Variants in A2M observed in about 807,000 individuals in gnomAD.
A2M encodes the protein C3 and PZP-like alpha-2-macroglobulin domain-containing protein 5.
A neutral mutation model predicts 183.9 loss-of-function variants in A2M; 128 were observed. The observed-to-expected ratio is 0.70, with a 90% CI of 0.60 to 0.81. A2M has a LOEUF of 0.81. Ranked by LOEUF, A2M falls within the 30% of genes least tolerant of loss-of-function variation. The pLI, the probability that A2M is intolerant of heterozygous loss-of-function variation, is 0.00. For synonymous variants in A2M, 592 were observed against 670.8 expected, an observed-to-expected ratio of 0.88 and a Z score of 1.81; for missense variants, 1,495 against 1,787.6, an observed-to-expected ratio of 0.84 and a Z score of 2.95.
At chr12:9,098,915 C>T (rs527970686) in intron 14 of A2M, among the ~76,000 whole-genome samples, 159 bp from the exon 15 acceptor site, 102 of 152,338 alleles carry the variant, frequency 6.7e-4, no homozygotes, top group Middle Eastern at 3.4e-3. Flanking sequence ...TTGTTCCCTA[C>T]ACTTCTCTTT....
chr12:9,079,804 C>T lies in A2M; in HGVS notation c.2866G>A (p.Gly956Ser). The part of the protein sequence containing the change: ...ASVSVLGDIL[G>S]SAMQNTQNLL... ...TTTTGTGTGTTTTGCATGGCAGAGC[C>T]TAATATGTCTCCTAGAGAATGGGAG... The change falls in exon 24 of 36, where the codon GGC becomes AGC. Residue 956 changes from glycine (G) to serine (S), a missense_variant. Physicochemically the swap from Gly to Ser is moderately conservative, Grantham distance 56. Transcript: ENST00000318602. The T allele has an allele frequency of 1.2e-6, 2 of 1,606,470 alleles. No homozygotes were observed. Among genetic ancestry groups the T allele is most frequent in the Non-Finnish European group, 8.5e-7 (1 of 1,176,478 alleles).
At position 9,115,886 on chromosome 12, in the gene A2M, A is replaced by G. The variant is rs1939083309; in HGVS notation, c.-37T>C. 2 of 1,526,058 alleles carry G rather than the reference A, an allele frequency of 1.3e-6. No individual in the cohort carries two copies. Among genetic ancestry groups the G allele is most frequent in the Non-Finnish European group, 1.8e-6 (2 of 1,100,590 alleles). The allele number at this position is 1,526,058 out of a possible 1,614,324, so 94.5% of individuals were successfully genotyped here. A position where few individuals can be genotyped will look rare whatever the true frequency, so the allele number is the denominator to read the frequency against. ...AAGGAGCTGGAGGAGAACAGACTGTATTGTACCCTACTCCCTACAATCCAT... is the reference window on the plus strand; with the variant it reads ...AAGGAGCTGGAGGAGAACAGACTGTGTTGTACCCTACTCCCTACAATCCAT... On this transcript the variant is annotated 5_prime_UTR_variant, in exon 1 of 36. Coordinates refer to ENST00000318602, the MANE Select transcript of A2M (RefSeq NM_000014.6).
intron 31 of A2M, among the ~76,000 whole-genome samples, chr12:9,071,868 GGA>G (rs1336009199): frequency 1.3e-5 from 2 of 152,102 alleles, no homozygotes; most frequent in Admixed American, 1.3e-4. Flanking sequence ...ATATGTTTGT[GGA>G]GAGAGAGTTT....
intron 31 of A2M, among the ~76,000 whole-genome samples, chr12:9,070,946 G>T (rs921660851): frequency 6.6e-6 from 1 of 151,942 alleles, no homozygotes; most frequent in Admixed American, 6.6e-5. Context: ...TCAGCCTCCC[G>T]AGTAGCTGGG....
In A2M at chr12:9,113,363, G is replaced by A. The variant is rs376824145; in HGVS notation, c.267C>T (p.Phe89=). The A allele has an allele frequency of 2.2e-5, 35 of 1,612,780 alleles. No homozygotes were observed. The highest frequency in any genetic ancestry group is 2.3e-5 in the Non-Finnish European group (27 of 1,179,712). ...TAAGTCAAACAGCCACACTCACAGC[G>A]AAGGCGACACAGTGGAGTACGTCAT... ...AENDVLHCVA[F]AVPKSSSNEE... Residue 89 remains phenylalanine (F), a synonymous_variant, in exon 2 of 36, where the codon TTC becomes TTT. Transcript: ENST00000318602.
chr12:9,104,043 T>C (rs1938094651), intron 11 of A2M, among the ~76,000 whole-genome samples, 196 bp downstream of exon 11: 1 of 152,356 alleles, frequency 6.6e-6, no homozygotes. Flanking sequence ...ACTGCTAAAG[T>C]CTAACCCGCA....
intron 13 of A2M, among the ~76,000 whole-genome samples, 184 bp from the exon 14 acceptor site, chr12:9,099,707 T>G (rs1937675957): frequency 6.6e-6 from 1 of 152,202 alleles, no homozygotes; most frequent in African/African-American, 2.4e-5. Flanking sequence ...CTGTTGATTT[T>G]TCACCAGCTT....
chr12:9,112,356 T>G, intron 3 of A2M, 21 bp downstream of exon 3: 1 of 1,609,420 alleles, frequency 6.2e-7, no homozygotes, highest in Non-Finnish European at 8.5e-7. Flanking sequence ...GAAGTTGTCC[T>G]GTCTGTAGGC....
intron 11 of A2M, among the ~76,000 whole-genome samples, chr12:9,103,366 C>T (rs754172070): frequency 3.3e-5 from 5 of 152,240 alleles, no homozygotes; most frequent in Middle Eastern, 3.4e-3. Context: ...TTTTTAACCA[C>T]TTTATCTGAT....
Position 9,074,746 on chromosome 12 carries a change from C to T in A2M, c.3570G>A (p.Lys1190=), listed in dbSNP as rs757886315. The part of the protein sequence containing the change: ...SVHWERPQKP[K]APVGHFYEPQ... ...GTTCGTAAAAATGCCCCACTGGTGC[C>T]TTGGGTTTCTGAGGGCGCTCCCAAT... The change falls in exon 29 of 36, where the codon AAG becomes AAA. Residue 1190 remains lysine, a synonymous_variant. Transcript: ENST00000318602. 2 of 1,613,596 alleles carry T rather than the reference C, an allele frequency of 1.2e-6. No homozygotes were observed. The highest frequency in any genetic ancestry group is 1.7e-4 in the Middle Eastern group (1 of 6,050).
Position 9,074,750 on chromosome 12 carries a change from G to A in A2M, c.3566C>T (p.Pro1189Leu). ...NSVHWERPQK[P>L]KAPVGHFYEP... ...GTAAAAATGCCCCACTGGTGCCTTG[G>A]GTTTCTGAGGGCGCTCCCAATGGAC... Residue 1189 changes from proline to leucine, a missense_variant, in exon 29 of 36, where the codon CCC (proline) becomes CTC (leucine). Physicochemically the swap from Pro to Leu is moderately conservative, Grantham distance 98 (BLOSUM62 -3). Transcript: ENST00000318602. 6.2e-7 allele frequency: 1 copy of A among 1,613,474 alleles called. No homozygotes were observed. Among genetic ancestry groups the A allele is most frequent in the Non-Finnish European group, 8.5e-7 (1 of 1,179,788 alleles).
rs1231056264 is a variant in A2M at position 9,101,299 on chromosome 12, G to A, written c.1495-92C>T. 4 of 1,383,528 alleles carry A rather than the reference G, an allele frequency of 2.9e-6. No individual in the cohort carries two copies. In the East Asian group the frequency reaches 7.5e-5, roughly 26 times the overall value. The allele number at this position is 1,383,528 out of a possible 1,614,324, so 85.7% of individuals were successfully genotyped here. The stretch of plus-strand genomic sequence containing the variant: ...ATACTTGTTTTATTGAGTCCCTGCC[G>A]GCAATAATTCACCTCAAGAGAAATC... On this transcript the variant is annotated intron_variant, in intron 12 of 35. Transcript: ENST00000318602.
At chr12:9,074,857 A>G (rs1948693226) in intron 28 of A2M, 74 bp from the exon 29 acceptor site, 2 of 1,447,562 alleles carry the variant, frequency 1.4e-6, no homozygotes, top group Non-Finnish European at 9.4e-7. Flanking sequence ...TACCCAAGCC[A>G]GTGCTGAAAT....
rs1245620647 is a variant in A2M, at chr12:9,109,931, G to A, written c.609C>T (p.Tyr203=). The A allele has an allele frequency of 1.9e-6, 3 of 1,613,760 alleles. No individual in the cohort carries two copies. The African/African-American group carries it at 4.0e-5, about 22-fold the overall frequency. ...CTGATTTCTTCTGTACCACCACCTT[G>A]TAGGAGCCCTGGAAGGGCTCTGATG... ...PLSSEPFQGS[Y]KVVVQKKSGG... is the part of the protein sequence containing the mutation. The change falls in exon 6 of 36, where the codon TAC becomes TAT. Residue 203 remains tyrosine (Y), a synonymous_variant. Coordinates refer to ENST00000318602, the MANE Select transcript of A2M (RefSeq NM_000014.6).
At chr12:9,083,010 G>A (rs1948951126) in intron 22 of A2M, among the ~76,000 whole-genome samples, 1 of 152,172 alleles carries the variant, frequency 6.6e-6, no homozygotes, top group South Asian at 2.1e-4. Context: ...TTCCACAGTG[G>A]TTGAACTAGT....
In A2M at chr12:9,080,710, G is replaced by A. The variant is rs769700856; in HGVS notation, c.2771-533C>T. ...AAATTGAGGGTAAGGAAGTGAAGAC[G>A]AACAGTATTTGATGCATTGAAAATA... On this transcript the variant is annotated intron_variant, in intron 22 of 35. Coordinates refer to ENST00000318602, the MANE Select transcript of A2M (RefSeq NM_000014.6). Among the ~76,000 whole-genome samples the A allele has an allele frequency of 2.0e-4, 30 of 152,178 alleles. 1 individual carries two copies. In the South Asian group the frequency reaches 5.2e-3, roughly 26 times the overall value.
chr12:9,067,793 C>T lies in A2M; in HGVS notation c.*30G>A. 4 of 1,611,264 alleles carry T rather than the reference C, an allele frequency of 2.5e-6. No individual in the cohort carries two copies. The highest frequency in any genetic ancestry group is 3.4e-6 in the Non-Finnish European group (4 of 1,178,384). The stretch of plus-strand genomic sequence containing the variant: ...TCTGTGGAGCTCTGAGAACAGGACT[C>T]CAGCAAAGCACTTTTCAGCCTTGTG... On this transcript the variant is annotated 3_prime_UTR_variant, in exon 36 of 36. Coordinates refer to ENST00000318602, the MANE Select transcript of A2M (RefSeq NM_000014.6).
intron 27 of A2M, 23 bp from the exon 28 acceptor site, chr12:9,076,959 G>A (rs771026330): frequency 1.3e-6 from 2 of 1,540,814 alleles, no homozygotes; most frequent in Non-Finnish European, 8.7e-7. Context: ...AACAAGAAGG[G>A]AACTAAGCTA....
rs772556808 is a variant in A2M at position 9,077,635 on chromosome 12, A to C, written c.3276+66T>G. 2.5e-6 allele frequency: 4 copies of C among 1,574,358 alleles called. No individual in the cohort carries two copies. In the East Asian group the frequency reaches 6.7e-5, roughly 27 times the overall value. ...TTCCCTTAGAATTTTTCACATTATC[A>C]CTTCCTATCCTCATCCTTGCAGATA... is the stretch of plus-strand genomic sequence containing the variant. On this transcript the variant is annotated intron_variant, in intron 26 of 35. Transcript: ENST00000318602.
Sources: gnomAD v4.1 joint callset for allele counts (sites outside exome capture counted in the v4.1 genomes callset) on GRCh38, gnomAD v4.1.1 for gene constraint, MANE v1.5 for transcripts, NCBI Gene and HGNC (gene_info 2026-07-23, HGNC 2026-07-21) for gene names.